Variants in GPHN observed in about 807,000 individuals in gnomAD.
GPHN encodes the protein gephyrin.
A neutral mutation model predicts 95.5 loss-of-function variants in GPHN; 17 were observed. The observed-to-expected ratio is 0.18, with a 90% CI of 0.12 to 0.27. GPHN has a LOEUF of 0.27. Ranked by LOEUF, GPHN falls within the 10% of genes least tolerant of loss-of-function variation. GPHN has a pLI of 1.00. For synonymous variants in GPHN, 320 were observed against 322.5 expected, an observed-to-expected ratio of 0.99 and a Z score of 0.08; for missense variants, 660 against 978.1, an observed-to-expected ratio of 0.67 and a Z score of 4.34.
intron 1 of GPHN, among the ~76,000 whole-genome samples, chr14:66,563,134 T>C (rs1409862993): frequency 1.3e-5 from 2 of 152,142 alleles, no homozygotes; most frequent in East Asian, 1.9e-4. Context: ...GAAGAACTTA[T>C]GAAATAAGTT....
chr14:67,336,692 T>C, the GPHN span: 1 of 455,884 alleles, frequency 2.2e-6, no homozygotes, highest in South Asian at 1.6e-5. Flanking sequence ...AAAGTCTCAA[T>C]TTCCTCATCT....
chr14:66,981,226 A>C (rs1594717537), intron 9 of GPHN, among the ~76,000 whole-genome samples: 1 of 152,144 alleles, frequency 6.6e-6, no homozygotes, highest in Non-Finnish European at 1.5e-5. Context: ...CTCCAGAAAC[A>C]CATTAGCAAT....
Position 66,572,628 on chromosome 14 carries a change from A to G in GPHN, c.64+64037A>G, listed in dbSNP as rs533242171. The stretch of plus-strand genomic sequence containing the variant: ...ACGTGGTTTTGGATCTTAAAACTTT[A>G]CTGAATCTTTGGTTAGTTTTAACTT... On this transcript the variant is annotated intron_variant, in intron 1 of 22. Coordinates refer to ENST00000478722, the MANE Select transcript of GPHN (RefSeq NM_020806.5). Among the ~76,000 whole-genome samples the G allele has an allele frequency of 4.0e-5, 6 of 151,072 alleles. No individual in the cohort carries two copies. In the South Asian group the frequency reaches 1.0e-3, roughly 26 times the overall value.
At chr14:67,591,550 T>C in the GPHN span, among the ~76,000 whole-genome samples, 2 of 152,330 alleles carry the variant, frequency 1.3e-5, no homozygotes, top group Non-Finnish European at 1.5e-5. Context: ...AATTTTTGTT[T>C]TTTGAGATGG....
the GPHN span, chr14:67,350,501 T>A: frequency 5.9e-6 from 5 of 842,730 alleles, no homozygotes; most frequent in East Asian, 1.4e-4. Context: ...ATTATTACTA[T>A]ATCATTTGTC....
chr14:67,026,956 T>G (rs2073957059), intron 10 of GPHN, among the ~76,000 whole-genome samples: 1 of 152,176 alleles, frequency 6.6e-6, no homozygotes, highest in African/African-American at 2.4e-5. Context: ...AGCCCACATT[T>G]TTAACCAACA....
chr14:66,623,688 C>T (rs971287096), intron 1 of GPHN, among the ~76,000 whole-genome samples: 5 of 151,450 alleles, frequency 3.3e-5, no homozygotes, highest in African/African-American at 1.2e-4. Context: ...TTTGTGTCCT[C>T]TCATCCTGCC....
At chr14:66,587,904 T>A (rs987252689) in intron 1 of GPHN, among the ~76,000 whole-genome samples, 1 of 152,120 alleles carries the variant, frequency 6.6e-6, no homozygotes, top group Non-Finnish European at 1.5e-5. Flanking sequence ...ATGGACTGCC[T>A]CCTCAAGTGG....
At chr14:67,037,808 AT>A (rs2153634383) in intron 10 of GPHN, among the ~76,000 whole-genome samples, 1 of 151,828 alleles carries the variant, frequency 6.6e-6, no homozygotes, top group African/African-American at 2.4e-5. Flanking sequence ...AATAACAAGT[AT>A]TGGTGATCAT....
the GPHN span, among the ~76,000 whole-genome samples, chr14:67,401,544 G>A: frequency 2.0e-5 from 3 of 151,858 alleles, no homozygotes; most frequent in African/African-American, 7.3e-5. Flanking sequence ...TTAAAAAGAA[G>A]AGGAGATTTG....
At chr14:67,394,300 G>A in the GPHN span, among the ~76,000 whole-genome samples, 1 of 152,098 alleles carries the variant, frequency 6.6e-6, no homozygotes, top group African/African-American at 2.4e-5. Flanking sequence ...GGATACTGAG[G>A]TGGGAGGATC....
intron 3 of GPHN, among the ~76,000 whole-genome samples, chr14:66,785,924 A>G (rs1307164261): frequency 6.6e-6 from 1 of 152,284 alleles, no homozygotes; most frequent in Non-Finnish European, 1.5e-5. Flanking sequence ...GAAAAATTAT[A>G]TGCAAAGCAG....
At chr14:66,668,855 T>TA (rs1423370421) in intron 1 of GPHN, among the ~76,000 whole-genome samples, 2 of 151,650 alleles carry the variant, frequency 1.3e-5, no homozygotes, top group African/African-American at 4.8e-5. Context: ...TCATTTGTAT[T>TA]ACCTTTCCCA....
Position 67,164,956 on chromosome 14 carries a change from A to G in GPHN, c.1911-206A>G, listed in dbSNP as rs2236334. 0.051 allele frequency among the ~76,000 whole-genome samples: 7,727 copies of G among 152,222 alleles called. 211 individuals are homozygous for G. The highest frequency in any genetic ancestry group is 0.068 in the Middle Eastern group (20 of 294). ...GTAAGTAGTTTTCTTTAAACCAGAAAGTGTGGTTACTTGAAAACAGGAAAT... is the reference window on the plus strand; with the variant it reads ...GTAAGTAGTTTTCTTTAAACCAGAAGGTGTGGTTACTTGAAAACAGGAAAT... On this transcript the variant is annotated intron_variant, in intron 19 of 22. Transcript: ENST00000478722.
At chr14:66,897,964 T>C (rs2064941309) in intron 5 of GPHN, among the ~76,000 whole-genome samples, 1 of 152,086 alleles carries the variant, frequency 6.6e-6, no homozygotes, top group South Asian at 2.1e-4. Flanking sequence ...ATTTTGATAG[T>C]TTTGTAAATA....
At chr14:67,066,879 T>C (rs1182914134) in intron 11 of GPHN, among the ~76,000 whole-genome samples, 1 of 152,212 alleles carries the variant, frequency 6.6e-6, no homozygotes, top group East Asian at 1.9e-4. Context: ...TAGAACATGC[T>C]CCTTTAGCTC....
chr14:66,531,535 A>C (rs1412953566), intron 1 of GPHN, among the ~76,000 whole-genome samples: 2 of 152,232 alleles, frequency 1.3e-5, no homozygotes, highest in East Asian at 3.8e-4. Context: ...ATACATGACA[A>C]ACTCAAAGAT....
chr14:67,228,667 A>G, the GPHN span: 2 of 152,260 alleles, frequency 1.3e-5, no homozygotes, highest in Non-Finnish European at 2.9e-5. Context: ...TCATAAACTC[A>G]GTTTTTATGG....
intron 8 of GPHN, 64 bp from the exon 9 acceptor site, chr14:66,965,127 G>GTCT: frequency 4.4e-6 from 6 of 1,368,726 alleles, no homozygotes; most frequent in Admixed American, 1.7e-5. Flanking sequence ...AACAAAGGGG[G>GTCT]TCTTGATTCT....
Sources: allele counts gnomAD v4.1 joint callset (sites outside exome capture counted in the v4.1 genomes callset), GRCh38; gene constraint gnomAD v4.1.1; transcripts MANE v1.5; gene names NCBI Gene and HGNC (gene_info 2026-07-23, HGNC 2026-07-21).